Variants in CBLN2 observed in about 807,000 individuals in gnomAD.
CBLN2 encodes the protein cerebellin 2 precursor.
In CBLN2, 7 loss-of-function variants were observed where a neutral mutation model predicts 15.0. The ratio of observed to expected loss-of-function variants is 0.47; its 90% CI spans 0.27 to 0.88. The LOEUF (loss-of-function observed/expected upper bound fraction) is 0.88. CBLN2 is among the 40% of genes least tolerant of loss of function. The pLI is 0.14. For missense variants in CBLN2, 242 were observed against 304.5 expected, an observed-to-expected ratio of 0.79 and a Z score of 1.53; for synonymous variants, 149 against 135.2, an observed-to-expected ratio of 1.10 and a Z score of -0.71.
At chr18:72,626,583 C>T (rs539902355) in intron 1 of CBLN2, among the ~76,000 whole-genome samples, 3 of 151,990 alleles carry the variant, frequency 2.0e-5, no homozygotes, top group African/African-American at 7.3e-5. Flanking sequence ...GCCTGTAATC[C>T]CAGCTACTCG....
intron 1 of CBLN2, among the ~76,000 whole-genome samples, chr18:72,573,141 C>A (rs2069342939): frequency 1.3e-5 from 2 of 152,206 alleles, no homozygotes; most frequent in Admixed American, 6.5e-5. Flanking sequence ...GGCAAACACA[C>A]ATCACTTCTG....
chr18:72,622,370 T>C lies in CBLN2; in HGVS notation c.15+15955A>G, dbSNP rs116148755. ...TCAGATGCAACTAGATACTTTAAGC[T>C]AAGGTTGACTTTCTGGGGCCAATGC... On this transcript the variant is annotated intron_variant, in intron 1 of 2. Transcript: ENST00000581073. Among the ~76,000 whole-genome samples, 1,341 of 152,044 alleles carry C rather than the reference T, an allele frequency of 8.8e-3. 13 individuals carry two copies. Among genetic ancestry groups the C allele is most frequent in the African/African-American group, 0.031 (1,272 of 41,470 alleles).
intron 1 of CBLN2, among the ~76,000 whole-genome samples, chr18:72,559,737 T>C (rs1463772535): frequency 2.0e-5 from 3 of 152,188 alleles, no homozygotes; most frequent in Non-Finnish European, 2.9e-5. Context: ...CTGAGTGACA[T>C]GGACACAGAT....
intron 1 of CBLN2, among the ~76,000 whole-genome samples, chr18:72,584,740 TTAAA>T: frequency 6.6e-6 from 1 of 152,322 alleles, no homozygotes; most frequent in Non-Finnish European, 1.5e-5. Context: ...TAAATATTTG[TTAAA>T]TAAAGATTGA....
chr18:72,602,361 G>A (rs1411567487), intron 1 of CBLN2, among the ~76,000 whole-genome samples: 1 of 152,172 alleles, frequency 6.6e-6, no homozygotes, highest in Non-Finnish European at 1.5e-5. Flanking sequence ...TCCCCGTGCT[G>A]TCACTACGCT....
At chr18:72,613,607 G>T (rs2069638329) in intron 1 of CBLN2, among the ~76,000 whole-genome samples, 1 of 152,152 alleles carries the variant, frequency 6.6e-6, no homozygotes, top group Admixed American at 6.6e-5. Context: ...CAATGCTGGG[G>T]TCAGAAGGAG....
chr18:72,622,861 T>C (rs898021755), intron 1 of CBLN2, among the ~76,000 whole-genome samples: 1 of 152,336 alleles, frequency 6.6e-6, no homozygotes, highest in South Asian at 2.1e-4. Flanking sequence ...AGCTATGTTC[T>C]ACTTCTCTGT....
chr18:72,559,044 A>T (rs1253860839), intron 1 of CBLN2, among the ~76,000 whole-genome samples: 3 of 152,208 alleles, frequency 2.0e-5, no homozygotes, highest in Admixed American at 1.3e-4. Context: ...AATGGGAGTG[A>T]GACCCTGTCT....
intron 1 of CBLN2, among the ~76,000 whole-genome samples, chr18:72,571,893 G>T (rs114248518): frequency 5.9e-5 from 9 of 151,956 alleles, no homozygotes; most frequent in Non-Finnish European, 1.0e-4. Context: ...TAACATCATC[G>T]CAAGATATCA....
chr18:72,542,253 G>T lies in CBLN2; in HGVS notation c.-93C>A. The T allele has an allele frequency of 1.3e-6, 1 of 786,318 alleles. No homozygotes were observed. The highest frequency in any genetic ancestry group is 1.6e-6 in the Non-Finnish European group (1 of 608,314). The allele number at this position is 786,318 out of a possible 1,614,324, so 48.7% of individuals were successfully genotyped here. On this transcript the variant is annotated 5_prime_UTR_variant, in exon 3 of 5. The change creates a new upstream start codon in the 5' untranslated region. Coordinates refer to ENST00000269503, the MANE Select transcript of CBLN2 (RefSeq NM_182511.4). ...GAAGGAACGCGCGGAGCTCGCAGCA[G>T]CCTCCGGGGGCCTTCGTCCCCGGCT...
intron 1 of CBLN2, among the ~76,000 whole-genome samples, chr18:72,576,793 T>A (rs1031852105): frequency 4.0e-5 from 6 of 151,232 alleles, no homozygotes; most frequent in African/African-American, 1.5e-4. Flanking sequence ...TCACCATTTA[T>A]CCTGACACAA....
chr18:72,561,481 C>G, intron 1 of CBLN2, among the ~76,000 whole-genome samples: 1 of 152,144 alleles, frequency 6.6e-6, no homozygotes, highest in Non-Finnish European at 1.5e-5. Context: ...TCTCTGTCTT[C>G]CCTCTGTCCC....
intron 1 of CBLN2, among the ~76,000 whole-genome samples, chr18:72,606,036 A>G (rs1211673811): frequency 6.6e-6 from 1 of 152,248 alleles, no homozygotes; most frequent in Admixed American, 6.5e-5. Flanking sequence ...GGAGTTAAGC[A>G]GCCAGTCCCT....
At chr18:72,556,945 C>T (rs1026306552) in intron 1 of CBLN2, among the ~76,000 whole-genome samples, 1 of 152,016 alleles carries the variant, frequency 6.6e-6, no homozygotes. Context: ...GCTTTTAAAC[C>T]ACCTCATAAA....
chr18:72,630,570 G>GAGAGAGAGAGAGAGAGAGAGAA (rs2069769411), intron 1 of CBLN2, among the ~76,000 whole-genome samples: 1 of 150,822 alleles, frequency 6.6e-6, no homozygotes, highest in African/African-American at 2.5e-5. Flanking sequence ...CATGCAGAGA[G>GAGAGAGAGAGAGAGAGAGAGAA]AGAGAGAGAG....
chr18:72,605,092 G>A (rs937140352), intron 1 of CBLN2, among the ~76,000 whole-genome samples: 2 of 152,148 alleles, frequency 1.3e-5, no homozygotes, highest in African/African-American at 4.8e-5. Context: ...ACTTGACCCT[G>A]CCTTTCACAA....
chr18:72,614,164 G>A (rs2069641752), intron 1 of CBLN2, among the ~76,000 whole-genome samples: 1 of 152,108 alleles, frequency 6.6e-6, no homozygotes, highest in Non-Finnish European at 1.5e-5. Context: ...AGATAAAGTG[G>A]TACCTTTACC....
At chr18:72,618,974 A>G (rs867631614) in intron 1 of CBLN2, 6 of 754,716 alleles carry the variant, frequency 8.0e-6, no homozygotes, top group Non-Finnish European at 1.2e-5. Context: ...GATGGTGGAT[A>G]TGGTGGCAGC....
At chr18:72,594,277 A>G (rs1369980655) in intron 1 of CBLN2, among the ~76,000 whole-genome samples, 2 of 152,174 alleles carry the variant, frequency 1.3e-5, no homozygotes, top group Non-Finnish European at 2.9e-5. Flanking sequence ...AACTTAAAGT[A>G]TAATAATAAA....
Sources: allele counts gnomAD v4.1 joint callset (sites outside exome capture counted in the v4.1 genomes callset), GRCh38; gene constraint gnomAD v4.1.1; transcripts MANE v1.5; gene names NCBI Gene and HGNC (gene_info 2026-07-23, HGNC 2026-07-21).